RANBP17: variants seen among roughly 807,000 people sequenced by gnomAD.
RANBP17 encodes the protein RAN binding protein 17, also known as ran-binding protein 17.
A neutral mutation model predicts 141.2 loss-of-function variants in RANBP17; 158 were observed. The observed-to-expected ratio is 1.12, with a 90% confidence interval of 0.98 to 1.28. The LOEUF (loss-of-function observed/expected upper bound fraction) is 1.28. Among genes scored for constraint, RANBP17 ranks in the 50% most tolerant of loss-of-function variants. RANBP17 has a pLI of 0.00. For missense variants in RANBP17, 1,438 were observed against 1,290.7 expected, an observed-to-expected ratio of 1.11 and a Z score of -1.75; for synonymous variants, 430 against 450.0, an observed-to-expected ratio of 0.96 and a Z score of 0.56.
intron 14 of RANBP17, among the ~76,000 whole-genome samples, chr5:171,072,901 GT>G (rs1370310410): frequency 6.6e-6 from 1 of 152,126 alleles, no homozygotes; most frequent in African/African-American, 2.4e-5. Flanking sequence ...GAGTGAGTTG[GT>G]TATTCCTGCA....
intron 25 of RANBP17, among the ~76,000 whole-genome samples, chr5:171,292,603 G>A (rs553321548): frequency 4.6e-5 from 7 of 152,324 alleles, no homozygotes; most frequent in Non-Finnish European, 1.0e-4. Context: ...TCTTTGCCAC[G>A]TAATTGCCGT....
rs76884877 is a variant in RANBP17, at chr5:171,026,947, C to G, written c.1710+58570C>G. ...AACATTACTGCCTGAGCTCCACCTC[C>G]TGTCAGCGACAGCATTAGATTCTCA... On this transcript the variant is annotated intron_variant, in intron 14 of 27. Transcript: ENST00000523189. Among the ~76,000 whole-genome samples, 686 of 152,268 alleles carry G rather than the reference C, an allele frequency of 4.5e-3. 19 individuals are homozygous for G. Among genetic ancestry groups the G allele is most frequent in the Admixed American group, 0.036 (545 of 15,290 alleles).
At chr5:171,189,531 A>G (rs550780486) in intron 18 of RANBP17, among the ~76,000 whole-genome samples, 4 of 152,364 alleles carry the variant, frequency 2.6e-5, no homozygotes, top group Non-Finnish European at 5.9e-5. Context: ...AAACAAGTAT[A>G]CAGTAACCAA....
intron 1 of RANBP17, among the ~76,000 whole-genome samples, chr5:170,866,193 A>G (rs1397856013): frequency 2.6e-5 from 4 of 152,198 alleles, no homozygotes; most frequent in Middle Eastern, 3.2e-3. Flanking sequence ...CCTCCCCTAA[A>G]TAAAAACATT....
chr5:171,020,793 G>T (rs1440318557), intron 14 of RANBP17, among the ~76,000 whole-genome samples: 1 of 152,090 alleles, frequency 6.6e-6, no homozygotes, highest in Non-Finnish European at 1.5e-5. Flanking sequence ...ATATTGTTAT[G>T]TGTGAATTTG....
chr5:171,123,684 C>T (rs1031147122), intron 14 of RANBP17, among the ~76,000 whole-genome samples: 3 of 152,236 alleles, frequency 2.0e-5, no homozygotes, highest in African/African-American at 7.2e-5. Context: ...GACCAACCCA[C>T]CTGGTGTCCC....
chr5:171,285,312 G>C (rs1452735400), intron 25 of RANBP17, among the ~76,000 whole-genome samples: 1 of 152,228 alleles, frequency 6.6e-6, no homozygotes, highest in Non-Finnish European at 1.5e-5. Context: ...GGGACCCCCA[G>C]AGGCTGGTAT....
At chr5:171,146,050 T>A (rs1347286073) in intron 14 of RANBP17, among the ~76,000 whole-genome samples, 1 of 152,232 alleles carries the variant, frequency 6.6e-6, no homozygotes, top group Non-Finnish European at 1.5e-5. Flanking sequence ...ATTCTACTTC[T>A]AACATTGGTA....
At chr5:171,109,043 G>A (rs1755040649) in intron 14 of RANBP17, among the ~76,000 whole-genome samples, 1 of 152,082 alleles carries the variant, frequency 6.6e-6, no homozygotes, top group African/African-American at 2.4e-5. Context: ...GAAATAAAAG[G>A]AAAAATGAAT....
intron 14 of RANBP17, among the ~76,000 whole-genome samples, chr5:171,104,931 C>A (rs1439893517): frequency 6.6e-6 from 1 of 152,120 alleles, no homozygotes; most frequent in Non-Finnish European, 1.5e-5. Flanking sequence ...TGGTCCCCTA[C>A]ACCAAGGAAA....
At chr5:170,955,578 G>GTGTATATATATATATGCTCAGTC (rs1775580253) in intron 13 of RANBP17, among the ~76,000 whole-genome samples, 2 of 41,654 alleles carry the variant, frequency 4.8e-5, no homozygotes, top group African/African-American at 1.0e-4. Context: ...TGCTCAGTCT[G>GTGTATATATATATATGCTCAGTC]TGTGTATATA....
intron 25 of RANBP17, among the ~76,000 whole-genome samples, chr5:171,284,233 G>A (rs1768022430): frequency 6.6e-6 from 1 of 152,162 alleles, no homozygotes; most frequent in African/African-American, 2.4e-5. Flanking sequence ...TACACTACCT[G>A]TAGCATTTCT....
intron 14 of RANBP17, among the ~76,000 whole-genome samples, chr5:171,145,881 G>A (rs73323441): frequency 6.6e-6 from 1 of 152,232 alleles, no homozygotes; most frequent in African/African-American, 2.4e-5. Context: ...AATTAATAAT[G>A]TGGGTTTTTA....
At chr5:171,132,175 CT>C (rs1756966312) in intron 14 of RANBP17, among the ~76,000 whole-genome samples, 1 of 152,002 alleles carries the variant, frequency 6.6e-6, no homozygotes, top group Admixed American at 6.6e-5. Flanking sequence ...GGGAAAGACA[CT>C]TTTAATTGTC....
intron 1 of RANBP17, 136 bp from the exon 2 acceptor site, chr5:170,877,961 T>G (rs1768326959): frequency 4.0e-6 from 2 of 497,918 alleles, no homozygotes; most frequent in Admixed American, 8.4e-5. Flanking sequence ...TATCCCCTAG[T>G]AAGTAGTTGT....
intron 5 of RANBP17, among the ~76,000 whole-genome samples, chr5:170,901,576 G>A (rs1425987332): frequency 6.6e-6 from 1 of 152,140 alleles, no homozygotes; most frequent in East Asian, 1.9e-4. Flanking sequence ...ATTGTAGCTG[G>A]TTATTATGCC....
At chr5:170,870,638 G>A (rs994172814) in intron 1 of RANBP17, among the ~76,000 whole-genome samples, 1 of 152,136 alleles carries the variant, frequency 6.6e-6, no homozygotes, top group Non-Finnish European at 1.5e-5. Flanking sequence ...CATTTGGGTT[G>A]TTTTCATGTC....
At chr5:170,881,523 G>A (rs1768691725) in intron 2 of RANBP17, among the ~76,000 whole-genome samples, 1 of 152,134 alleles carries the variant, frequency 6.6e-6, no homozygotes. Flanking sequence ...TAAAAGTACT[G>A]TATTTTATTT....
At chr5:171,296,697 G>A (rs367665333) in intron 27 of RANBP17, among the ~76,000 whole-genome samples, 237 of 152,332 alleles carry the variant, frequency 1.6e-3, no homozygotes, top group African/African-American at 5.3e-3. Flanking sequence ...TGGATCACCT[G>A]AGGTCAGGAG....
Sources: allele counts gnomAD v4.1 joint callset (sites outside exome capture counted in the v4.1 genomes callset), GRCh38; gene constraint gnomAD v4.1.1; transcripts MANE v1.5; gene names NCBI Gene and HGNC (gene_info 2026-07-23, HGNC 2026-07-21).